Variants in CCDC171 observed in about 807,000 individuals in gnomAD.
The protein encoded by CCDC171 is coiled-coil domain-containing protein 171.
CCDC171 carries 177 observed loss-of-function variants against 168.2 expected under a neutral mutation model. That is an observed-to-expected ratio of 1.05 (90% CI 0.93 to 1.19). The LOEUF (loss-of-function observed/expected upper bound fraction) is 1.19. CCDC171 is among the 50% of genes most tolerant of loss of function. CCDC171 has a pLI of 0.00. For missense variants in CCDC171, 1,991 were observed against 1,539.0 expected (o/e 1.29, Z -4.91); for synonymous variants, 687 against 540.8 (o/e 1.27, Z -3.75).
chr9:15,991,286 C>T lies in CCDC171; in HGVS notation n.369-29303C>T, dbSNP rs372776272. 3.9e-5 allele frequency among the ~76,000 whole-genome samples: 6 copies of T among 152,144 alleles called. No homozygotes were observed. The South Asian group carries it at 6.2e-4, about 16-fold the overall frequency. ...CAGGATTAAGAAACTCACTCCAAAC[C>T]GCTCAACTACATGGAAACTGAAAAA... On this transcript the variant is annotated intron_variant and non_coding_transcript_variant, in intron 3 of 9. Coordinates refer to the CCDC171 transcript ENST00000486641.
chr9:15,692,231 C>T (rs1346895767), intron 10 of CCDC171, among the ~76,000 whole-genome samples: 1 of 151,950 alleles, frequency 6.6e-6, no homozygotes, highest in Admixed American at 6.6e-5. Flanking sequence ...CAAAAATTAG[C>T]TGGGCATGGG....
chr9:16,062,424 A>T (rs996236242), downstream of CCDC171, among the ~76,000 whole-genome samples: 2 of 152,190 alleles, frequency 1.3e-5, no homozygotes, highest in Admixed American at 1.3e-4. Context: ...GGAGGAGGAA[A>T]GGATTGAAAA....
At chr9:15,865,849 CGTGT>C (rs71325944) in intron 23 of CCDC171, among the ~76,000 whole-genome samples, 109,012 of 147,424 alleles carry the variant, frequency 0.74, 41,676 homozygotes, top group East Asian at 0.86. Flanking sequence ...ACTCTGCGTG[CGTGT>C]GTGTGTGTGT....
intron 18 of CCDC171, among the ~76,000 whole-genome samples, chr9:15,754,800 C>T (rs2055995734): frequency 6.6e-6 from 1 of 152,038 alleles, no homozygotes; most frequent in Non-Finnish European, 1.5e-5. Context: ...TTTTAAAGTG[C>T]TTAGAAGAGT....
chr9:15,791,028 C>G (rs868400859), intron 21 of CCDC171, among the ~76,000 whole-genome samples: 1 of 152,082 alleles, frequency 6.6e-6, no homozygotes, highest in African/African-American at 2.4e-5. Flanking sequence ...AGTCAGGTAG[C>G]GTGATGCCTC....
chr9:15,753,511 A>T (rs1429099368), intron 18 of CCDC171, among the ~76,000 whole-genome samples: 3 of 152,148 alleles, frequency 2.0e-5, no homozygotes, highest in Non-Finnish European at 4.4e-5. Flanking sequence ...ACTAGGCAGT[A>T]ATTTCCTCTG....
chr9:16,057,861 G>C (rs1833866789), intron 1 of CCDC171, among the ~76,000 whole-genome samples: 1 of 152,156 alleles, frequency 6.6e-6, no homozygotes, highest in African/African-American at 2.4e-5. Flanking sequence ...AGGTTAGCAG[G>C]GGCTGGGACA....
In CCDC171 at chr9:16,047,756, A is replaced by C. The variant is rs75743858; in HGVS notation, n.89+4870A>C. On this transcript the variant is annotated intron_variant and non_coding_transcript_variant, in intron 1 of 1. Transcript: ENST00000478913. ...TCAACGTCTGCTTCCTCAATTGTAG[A>C]ATAGGGATCAACCACAGTATTCACG... is the stretch of plus-strand genomic sequence containing the variant. Among the ~76,000 whole-genome samples the C allele has an allele frequency of 2.2e-4, 34 of 152,362 alleles. No homozygotes were observed. The East Asian group carries it at 4.6e-3, about 21-fold the overall frequency.
At position 15,661,274 on chromosome 9, in the gene CCDC171, C is replaced by T. The variant is rs1442677776; in HGVS notation, c.915+4055C>T. Among the ~76,000 whole-genome samples the T allele has an allele frequency of 1.4e-4, 14 of 100,190 alleles. No individual in the cohort carries two copies. The East Asian group carries it at 2.0e-3, about 14-fold the overall frequency. 65.7% of individuals were successfully genotyped at this position (100,190 alleles called of 152,430 possible). On this transcript the variant is annotated intron_variant, in intron 8 of 25. Coordinates refer to ENST00000380701, the MANE Select transcript of CCDC171 (RefSeq NM_173550.4). ...CAGCCTGGGCGACAGAGCGAGACTC[C>T]GTCTCAAAAAAAAAAAAAAAAAAAA... is the stretch of plus-strand genomic sequence containing the variant.
At chr9:15,946,272 T>C (rs1459762989) in intron 25 of CCDC171, among the ~76,000 whole-genome samples, 1 of 151,970 alleles carries the variant, frequency 6.6e-6, no homozygotes, top group African/African-American at 2.4e-5. Flanking sequence ...CATGCTGTTT[T>C]GGTTACTGTA....
intron 25 of CCDC171, among the ~76,000 whole-genome samples, chr9:15,953,539 G>T (rs898751758): frequency 2.0e-5 from 3 of 151,988 alleles, no homozygotes; most frequent in African/African-American, 7.2e-5. Context: ...ACTTAGTTAT[G>T]GTGTTTGGTC....
chr9:15,929,163 A>G (rs1329192545), intron 25 of CCDC171, among the ~76,000 whole-genome samples: 1 of 151,714 alleles, frequency 6.6e-6, no homozygotes, highest in African/African-American at 2.4e-5. Context: ...TGGAGCAAGA[A>G]GTGCCAGAAT....
chr9:16,051,258 C>G (rs1281867158), intron 1 of CCDC171, among the ~76,000 whole-genome samples: 1 of 152,150 alleles, frequency 6.6e-6, no homozygotes, highest in Non-Finnish European at 1.5e-5. Flanking sequence ...TCATCCGTGT[C>G]TCTAATGATT....
chr9:16,017,067 A>G (rs1833043456), intron 3 of CCDC171, among the ~76,000 whole-genome samples: 1 of 152,206 alleles, frequency 6.6e-6, no homozygotes, highest in South Asian at 2.1e-4. Context: ...CTTGAGCAGT[A>G]AAAACTTAAC....
At chr9:15,976,421 C>T (rs1339479106), downstream of CCDC171, among the ~76,000 whole-genome samples, 2 of 152,058 alleles carry the variant, frequency 1.3e-5, no homozygotes, top group South Asian at 2.1e-4. Flanking sequence ...TAGAGTCACA[C>T]TCTATTGCCA....
rs745831966 is a variant in CCDC171 at position 15,723,755 on chromosome 9, TAGAATA to T, written c.1491+11_1491+16del. The T allele has an allele frequency of 1.2e-5, 16 of 1,328,234 alleles. No homozygotes were observed. The highest frequency in any genetic ancestry group is 1.2e-4 in the Admixed American group (6 of 51,012). 82.3% of individuals were successfully genotyped at this position (1,328,234 alleles called of 1,614,324 possible). On this transcript the variant is annotated intron_variant, in intron 13 of 25. Coordinates refer to ENST00000380701, the MANE Select transcript of CCDC171 (RefSeq NM_173550.4). ...ACACTAAAAATATAAAGGTATTATTTAGAATAACTTTTACCTTTTGTATTAAGAAAC... is the reference window on the plus strand; with the variant it reads ...ACACTAAAAATATAAAGGTATTATTTACTTTTACCTTTTGTATTAAGAAAC...
chr9:16,080,639 A>T, the CCDC171 span, among the ~76,000 whole-genome samples: 1 of 152,134 alleles, frequency 6.6e-6, no homozygotes, highest in Non-Finnish European at 1.5e-5. Context: ...ATCCTCGCTT[A>T]TGAGAAGTGT....
At chr9:15,576,399 G>T (rs1442786456) in intron 3 of CCDC171, among the ~76,000 whole-genome samples, 1 of 151,952 alleles carries the variant, frequency 6.6e-6, no homozygotes, top group Non-Finnish European at 1.5e-5. Context: ...TGTTGCTCAG[G>T]TTGGTCTCAA....
At chr9:16,100,961 C>T in the CCDC171 span, among the ~76,000 whole-genome samples, 1 of 151,758 alleles carries the variant, frequency 6.6e-6, no homozygotes, top group Non-Finnish European at 1.5e-5. Flanking sequence ...CTGTGGCTGA[C>T]CTCTGTGGCC....
Sources: allele counts gnomAD v4.1 joint callset (sites outside exome capture counted in the v4.1 genomes callset), GRCh38; gene constraint gnomAD v4.1.1; transcripts MANE v1.5; gene names NCBI Gene and HGNC (gene_info 2026-07-23, HGNC 2026-07-21).